Variants in POU2F2 observed in about 807,000 individuals in gnomAD.
POU2F2 encodes the protein POU domain, class 2, transcription factor 2.
In POU2F2, 14 loss-of-function variants were observed where a neutral mutation model predicts 63.5. That is an observed-to-expected ratio of 0.22 (90% CI 0.15 to 0.34). POU2F2 has a LOEUF of 0.34. Ranked by LOEUF, POU2F2 falls within the 10% of genes least tolerant of loss-of-function variation. POU2F2 has a pLI of 1.00. For missense variants in POU2F2, 607 were observed against 815.2 expected (o/e 0.74, Z 3.11); for synonymous variants, 306 against 348.6 (o/e 0.88, Z 1.36).
In POU2F2 at chr19:42,162,795, C is replaced by G. The variant is rs1267196383; in HGVS notation, c.-69-2403G>C. On this transcript the variant is annotated intron_variant, in intron 1 of 6. Transcript: ENST00000524801. The surrounding 1 kb of genome is among the most constrained non-coding windows in gnomAD (Gnocchi z 4.1). ...AATGACCCCAAGCCAGGGCTTGGGACAGGCCTAAGAATGATGACGCCACTT... is the reference window on the plus strand; with the variant it reads ...AATGACCCCAAGCCAGGGCTTGGGAGAGGCCTAAGAATGATGACGCCACTT... 1.3e-5 allele frequency among the ~76,000 whole-genome samples: 2 copies of G among 152,146 alleles called. No homozygotes were observed. The highest frequency in any genetic ancestry group is 4.8e-5 in the African/African-American group (2 of 41,426).
At chr19:42,136,132 C>A (rs891499841), upstream of POU2F2, among the ~76,000 whole-genome samples, 3 of 151,772 alleles carry the variant, frequency 2.0e-5, no homozygotes, top group African/African-American at 7.3e-5. Flanking sequence ...ATATATCTTC[C>A]TCTTTGTCTT....
At chr19:42,154,996 CTCCACACACAG>C (rs1390914026) in intron 2 of POU2F2, among the ~76,000 whole-genome samples, 2 of 152,184 alleles carry the variant, frequency 1.3e-5, no homozygotes, top group East Asian at 3.9e-4. Context: ...CCACCTCACC[CTCCACACACAG>C]TCCACACACA....
At chr19:42,116,838 AGAG>A (rs748467945) in intron 5 of POU2F2, 6,246 of 359,494 alleles carry the variant, frequency 0.017, no homozygotes, top group South Asian at 0.021. Flanking sequence ...AGGAGGAGGC[AGAG>A]GAGGAGGAGG....
chr19:42,175,250 C>G (rs1188299293), intron 1 of POU2F2, among the ~76,000 whole-genome samples: 2 of 152,162 alleles, frequency 1.3e-5, no homozygotes, highest in Admixed American at 6.5e-5. Context: ...AGACCCAAAC[C>G]CCCACTCAGG....
intron 1 of POU2F2, among the ~76,000 whole-genome samples, chr19:42,163,311 G>A (rs892146235): frequency 2.0e-5 from 3 of 151,994 alleles, no homozygotes; most frequent in Admixed American, 6.6e-5. Context: ...TGTGTGGGCA[G>A]AGGAGGAGGC....
At chr19:42,195,331 T>TTA (rs2035130181) in intron 1 of POU2F2, among the ~76,000 whole-genome samples, 1 of 125,498 alleles carries the variant, frequency 8.0e-6, no homozygotes, top group Non-Finnish European at 1.7e-5. Context: ...CCTCTTTTTC[T>TTA]TTTTTTTTTT....
intron 1 of POU2F2, 152 bp downstream of exon 1, chr19:42,132,232 C>A: frequency 4.9e-6 from 4 of 811,596 alleles, no homozygotes; most frequent in East Asian, 3.3e-5. Context: ...TGGGGGTTAG[C>A]GGGGACCCGG....
At chr19:42,197,277 A>T (rs942145015), upstream of POU2F2, among the ~76,000 whole-genome samples, 3 of 152,190 alleles carry the variant, frequency 2.0e-5, no homozygotes, top group Non-Finnish European at 4.4e-5. Context: ...TTTCACATCA[A>T]ACATGGGTTT....
upstream of POU2F2, among the ~76,000 whole-genome samples, chr19:42,133,789 C>G (rs1315283016): frequency 3.3e-5 from 5 of 152,068 alleles, no homozygotes; most frequent in African/African-American, 1.2e-4. The surrounding 1 kb of genome is among the most constrained non-coding windows in gnomAD (Gnocchi z 5.1). Flanking sequence ...ACATATGTGC[C>G]CAAGCATACT....
chr19:42,137,931 A>G (rs1329245493), intron 2 of POU2F2, among the ~76,000 whole-genome samples: 1 of 152,244 alleles, frequency 6.6e-6, no homozygotes, highest in Non-Finnish European at 1.5e-5. Context: ...GGAGGCCTAT[A>G]GAGCTGGAGC....
At position 42,096,257 on chromosome 19, in the gene POU2F2, CAGGTGGGT is replaced by C; in HGVS notation, c.568-22_568-15del. 6.7e-7 allele frequency: 1 copy of C among 1,500,966 alleles called. No individual in the cohort carries two copies. The highest frequency in any genetic ancestry group is 9.0e-7 in the Non-Finnish European group (1 of 1,111,358). The allele number at this position is 1,500,966 out of a possible 1,614,324, so 93.0% of individuals were successfully genotyped here. A position where few individuals can be genotyped will look rare whatever the true frequency, so the allele number is the denominator to read the frequency against. ...GCGGGTCACGGCCTGGTGGGGTGGG[CAGGTGGGT>C]GGGATGCAGGGCGGAGGACCAGGAT... On this transcript the variant is annotated splice_polypyrimidine_tract_variant and intron_variant, in intron 7 of 14. Coordinates refer to ENST00000692977, the MANE Select transcript of POU2F2 (RefSeq NM_001394376.1). This position sits in a 1 kb window ranked among gnomAD's most constrained non-coding sequence, Gnocchi z 4.1.
In POU2F2 at chr19:42,092,921, C is replaced by A. The variant is rs897651286; in HGVS notation, c.1265-651G>T. Among the ~76,000 whole-genome samples, 14 of 146,060 alleles carry A rather than the reference C, an allele frequency of 9.6e-5. No individual in the cohort carries two copies. The highest frequency in any genetic ancestry group is 3.6e-4 in the African/African-American group (14 of 39,048). ...TATTTTCTAGCCTGGGGAGGGGCAA[C>A]GTGTTGTTTTATGTGTATATATATT... On this transcript the variant is annotated intron_variant, in intron 12 of 14. Transcript: ENST00000692977. The surrounding 1 kb of genome is among the most constrained non-coding windows in gnomAD (Gnocchi z 5.0).
rs2076641411 is a variant in POU2F2, at chr19:42,089,278, G to GAAGGAGGGGAGGAGAGAGA, written c.*1978_*1979insTCTCTCTCCTCCCCTCCTT. 6.6e-6 allele frequency: 1 copy of GAAGGAGGGGAGGAGAGAGA among 152,608 alleles called. No homozygotes were observed. The highest frequency in any genetic ancestry group is 6.5e-5 in the Admixed American group (1 of 15,270). The allele number at this position is 152,608 out of a possible 1,614,324, so 9.5% of individuals were successfully genotyped here. A position where few individuals can be genotyped will look rare whatever the true frequency, so the allele number is the denominator to read the frequency against. The stretch of plus-strand genomic sequence containing the variant: ...AGAGAGGAAGGAGGGGAGGAGAGAG[G>GAAGGAGGGGAGGAGAGAGA]AAGGAGGGGAGGAGAGAGGTCAGAC... On this transcript the variant is annotated 3_prime_UTR_variant, in exon 15 of 15. Transcript: ENST00000692977.
At chr19:42,123,983 T>G (rs957377662) in intron 1 of POU2F2, among the ~76,000 whole-genome samples, 1 of 152,070 alleles carries the variant, frequency 6.6e-6, no homozygotes, top group Admixed American at 6.5e-5. Context: ...TGTCCAACTC[T>G]AGTGTTCTCT....
chr19:42,122,475 C>A, intron 2 of POU2F2, 36 bp downstream of exon 2: 1 of 1,607,870 alleles, frequency 6.2e-7, no homozygotes, highest in African/African-American at 1.3e-5. Context: ...CCCCTGCCCA[C>A]GGTGACCCCT....
intron 5 of POU2F2, among the ~76,000 whole-genome samples, chr19:42,108,445 C>T (rs567019600): frequency 9.4e-4 from 143 of 152,090 alleles, no homozygotes; most frequent in African/African-American, 3.3e-3. Context: ...CATGGTGGCA[C>T]GTGCCTGTAG....
intron 1 of POU2F2, among the ~76,000 whole-genome samples, chr19:42,125,618 C>G (rs2033127664): frequency 6.6e-6 from 1 of 152,220 alleles, no homozygotes. Flanking sequence ...GCCACTAACT[C>G]TAACCCGGTC....
intron 2 of POU2F2, among the ~76,000 whole-genome samples, chr19:42,157,782 GAGGTAGAGA>G (rs1360303291): frequency 6.6e-6 from 1 of 152,216 alleles, no homozygotes; most frequent in Non-Finnish European, 1.5e-5. Context: ...GGGAGCTGAG[GAGGTAGAGA>G]AGTGAAGCCA....
chr19:42,187,854 A>G (rs1439134440), intron 1 of POU2F2, among the ~76,000 whole-genome samples: 1 of 151,606 alleles, frequency 6.6e-6, no homozygotes, highest in Non-Finnish European at 1.5e-5. Context: ...GAGAACCATG[A>G]GCCTGCTTCA....
Sources: allele counts gnomAD v4.1 joint callset (sites outside exome capture counted in the v4.1 genomes callset), GRCh38; gene constraint gnomAD v4.1.1; non-coding constraint Gnocchi (gnomAD v3.1); transcripts MANE v1.5; gene names NCBI Gene and HGNC (gene_info 2026-07-23, HGNC 2026-07-21).